STK3: variants seen among roughly 807,000 people sequenced by gnomAD.
The protein encoded by STK3 is serine/threonine-protein kinase 3.
In STK3, 41 loss-of-function variants were observed where a neutral mutation model predicts 58.0. The ratio of observed to expected loss-of-function variants is 0.71; its 90% CI spans 0.55 to 0.92. The LOEUF (loss-of-function observed/expected upper bound fraction) is 0.92, where lower values mean the gene tolerates loss of function less well. Ranked by LOEUF, STK3 falls within the 40% of genes least tolerant of loss-of-function variation. STK3 has a pLI of 0.00. For synonymous variants in STK3, 170 were observed against 191.0 expected, an observed-to-expected ratio of 0.89 and a Z score of 0.91; for missense variants, 479 against 602.7, an observed-to-expected ratio of 0.79 and a Z score of 2.15.
chr8:98,526,575 T>C, intron 10 of STK3, 167 bp downstream of exon 10: 5 of 489,456 alleles, frequency 1.0e-5, no homozygotes, highest in Non-Finnish European at 1.6e-5. Flanking sequence ...CAAGCTACAG[T>C]TTCACAATTT....
At chr8:98,801,656 G>A (rs1833556576) in intron 1 of STK3, among the ~76,000 whole-genome samples, 2 of 152,136 alleles carry the variant, frequency 1.3e-5, no homozygotes, top group South Asian at 2.1e-4. Context: ...AACTCCAAAC[G>A]TGTCCGAACA....
intron 6 of STK3, among the ~76,000 whole-genome samples, chr8:98,700,744 T>C (rs1361627326): frequency 1.3e-5 from 2 of 152,236 alleles, no homozygotes; most frequent in African/African-American, 2.4e-5. Flanking sequence ...CTATTTTCTT[T>C]CCTTTGCCTG....
downstream of STK3, among the ~76,000 whole-genome samples, chr8:98,367,753 G>A (rs1054975843): frequency 2.0e-5 from 3 of 152,314 alleles, no homozygotes; most frequent in Admixed American, 6.5e-5. Context: ...GCCTTTCGGG[G>A]CAACTCTCTG....
At chr8:98,843,981 G>A (rs1360787039) in intron 3 of STK3, among the ~76,000 whole-genome samples, 1 of 152,156 alleles carries the variant, frequency 6.6e-6, no homozygotes, top group Non-Finnish European at 1.5e-5. Context: ...CCAACAAAAT[G>A]GGACTGCGTC....
At chr8:98,564,364 T>C (rs1350913261) in intron 8 of STK3, among the ~76,000 whole-genome samples, 3 of 152,158 alleles carry the variant, frequency 2.0e-5, no homozygotes, top group African/African-American at 4.8e-5. Context: ...CAAAATTTCA[T>C]TCATTTTTAT....
At chr8:98,790,638 T>G (rs1832748077) in intron 1 of STK3, among the ~76,000 whole-genome samples, 1 of 152,172 alleles carries the variant, frequency 6.6e-6, no homozygotes. Context: ...ACCACTCCTC[T>G]TCAACATAGT....
intron 3 of STK3, among the ~76,000 whole-genome samples, chr8:98,755,916 C>T (rs939105691): frequency 4.0e-5 from 6 of 151,856 alleles, no homozygotes; most frequent in Non-Finnish European, 8.8e-5. Flanking sequence ...CCGAGGCAGG[C>T]GAATCATGAG....
intron 4 of STK3, among the ~76,000 whole-genome samples, chr8:98,720,498 C>T: frequency 6.6e-6 from 1 of 151,986 alleles, no homozygotes; most frequent in East Asian, 1.9e-4. Context: ...CGCCTGTAAT[C>T]CCAGCACTTT....
At chr8:98,665,554 C>T (rs1205205634) in intron 6 of STK3, among the ~76,000 whole-genome samples, 1 of 151,910 alleles carries the variant, frequency 6.6e-6, no homozygotes. Context: ...TGTGCAACTG[C>T]GCCCACCTAA....
Position 98,455,161 on chromosome 8 carries a change from T to G in STK3, c.*681A>C, listed in dbSNP as rs1819403954. 1 of 152,604 alleles carries G rather than the reference T, an allele frequency of 6.6e-6. No individual in the cohort carries two copies. Among genetic ancestry groups the G allele is most frequent in the Non-Finnish European group, 1.5e-5 (1 of 68,036 alleles). 9.5% of individuals were successfully genotyped at this position (152,604 alleles called of 1,614,324 possible). A position where few individuals can be genotyped will look rare whatever the true frequency, so the allele number is the denominator to read the frequency against. On this transcript the variant is annotated 3_prime_UTR_variant, in exon 11 of 11. Coordinates refer to ENST00000419617, the MANE Select transcript of STK3 (RefSeq NM_006281.4). ...TTACCTAAATATATATAGTTCTATT[T>G]GTACCAAACATCAAAAATCAAAAAA...
intron 6 of STK3, among the ~76,000 whole-genome samples, chr8:98,650,958 G>A (rs1820866087): frequency 1.3e-5 from 2 of 152,242 alleles, no homozygotes; most frequent in Admixed American, 1.3e-4. Context: ...AGACTTAAAT[G>A]TCCCTGTCTG....
At chr8:98,546,836 G>A (rs1358530282) in intron 9 of STK3, among the ~76,000 whole-genome samples, 2 of 152,098 alleles carry the variant, frequency 1.3e-5, no homozygotes, top group African/African-American at 4.8e-5. Context: ...TGGCAATATA[G>A]CAATCTATTA....
intron 6 of STK3, among the ~76,000 whole-genome samples, chr8:98,644,693 A>G (rs1467509080): frequency 2.0e-5 from 3 of 152,186 alleles, no homozygotes; most frequent in Non-Finnish European, 4.4e-5. Context: ...CCTAAGGTCA[A>G]TGAAGGCATA....
chr8:98,898,549 CT>C lies in STK3; in HGVS notation c.-78-14716del, dbSNP rs560630176. Among the ~76,000 whole-genome samples, 1,335 of 152,282 alleles carry C rather than the reference CT, an allele frequency of 8.8e-3. 9 individuals carry two copies. The highest frequency in any genetic ancestry group is 0.015 in the Non-Finnish European group (1,049 of 68,024). ...CAGCTCCATAAACTCTTTTCTCTCT[CT>C]TTCTAAAATGTTTTATGAGAATTAA... On this transcript the variant is annotated intron_variant, in intron 1 of 1. Coordinates refer to the STK3 transcript ENST00000519420.
At chr8:98,568,090 T>TA (rs917359587) in intron 8 of STK3, among the ~76,000 whole-genome samples, 1 of 151,784 alleles carries the variant, frequency 6.6e-6, no homozygotes, top group African/African-American at 2.4e-5. Context: ...GATAGATAGA[T>TA]AGATAGATAG....
intron 6 of STK3, among the ~76,000 whole-genome samples, chr8:98,678,392 A>T (rs922116782): frequency 6.6e-6 from 1 of 152,106 alleles, no homozygotes; most frequent in African/African-American, 2.4e-5. Context: ...AAAAAGTATA[A>T]TTTATGATAT....
chr8:98,353,155 C>A, the STK3 span, among the ~76,000 whole-genome samples: 1 of 152,054 alleles, frequency 6.6e-6, no homozygotes, highest in Non-Finnish European at 1.5e-5. Flanking sequence ...TATAAAATTA[C>A]GTTCAGATTA....
intron 3 of STK3, among the ~76,000 whole-genome samples, chr8:98,874,248 T>C (rs890471557): frequency 6.6e-6 from 1 of 152,240 alleles, no homozygotes; most frequent in African/African-American, 2.4e-5. Context: ...GTGGGTAACC[T>C]GACCTTTCTC....
chr8:98,650,530 G>A (rs1422512445), intron 6 of STK3, among the ~76,000 whole-genome samples: 1 of 152,270 alleles, frequency 6.6e-6, no homozygotes, highest in Admixed American at 6.5e-5. Context: ...GCCAAAGCAG[G>A]GAGAGGTATT....
Sources: gnomAD v4.1 joint callset for allele counts (sites outside exome capture counted in the v4.1 genomes callset) on GRCh38, gnomAD v4.1.1 for gene constraint, MANE v1.5 for transcripts, NCBI Gene and HGNC (gene_info 2026-07-23, HGNC 2026-07-21) for gene names.